DTNB: variants seen among roughly 807,000 people sequenced by gnomAD.
The protein encoded by DTNB is DTN-B.
DTNB carries 63 observed loss-of-function variants against 90.7 expected under a neutral mutation model. That is an observed-to-expected ratio of 0.69 (90% CI 0.57 to 0.86). The LOEUF (loss-of-function observed/expected upper bound fraction) is 0.86, where lower values mean the gene tolerates loss of function less well. DTNB is among the 40% of genes least tolerant of loss of function. The pLI, the probability that DTNB is intolerant of heterozygous loss-of-function variation, is 0.00. For synonymous variants in DTNB, 277 were observed against 286.7 expected, an observed-to-expected ratio of 0.97 and a Z score of 0.34; for missense variants, 744 against 807.1, an observed-to-expected ratio of 0.92 and a Z score of 0.95.
intron 2 of DTNB, among the ~76,000 whole-genome samples, chr2:25,645,523 T>C (rs762762718): frequency 6.6e-6 from 1 of 152,118 alleles, no homozygotes; most frequent in African/African-American, 2.4e-5. Flanking sequence ...CACTGTAACG[T>C]TGACTTCCCA....
At chr2:25,590,811 C>A (rs1024927528) in intron 6 of DTNB, among the ~76,000 whole-genome samples, 62 of 152,256 alleles carry the variant, frequency 4.1e-4, no homozygotes, top group African/African-American at 1.5e-3. Flanking sequence ...GACCCCCAGG[C>A]TTCAGGCCCT....
At chr2:25,446,996 C>A (rs2058522535) in intron 12 of DTNB, among the ~76,000 whole-genome samples, 1 of 152,198 alleles carries the variant, frequency 6.6e-6, no homozygotes, top group South Asian at 2.1e-4. Context: ...TGTGTCTAAT[C>A]TGACATTTAA....
At chr2:25,571,249 A>C (rs1314518256) in intron 8 of DTNB, among the ~76,000 whole-genome samples, 3 of 152,216 alleles carry the variant, frequency 2.0e-5, no homozygotes, top group African/African-American at 7.2e-5. Context: ...TTATCATTAG[A>C]ATTTCTCCTA....
intron 3 of DTNB, among the ~76,000 whole-genome samples, chr2:25,633,585 C>T (rs1305628822): frequency 1.3e-5 from 2 of 152,006 alleles, no homozygotes; most frequent in African/African-American, 4.8e-5. Flanking sequence ...CCGGCCGCCA[C>T]CCCGTCTGGG....
chr2:25,473,123 G>T (rs1348689596), intron 10 of DTNB, among the ~76,000 whole-genome samples: 2 of 152,204 alleles, frequency 1.3e-5, no homozygotes, highest in Admixed American at 6.5e-5. Flanking sequence ...TGGGGGTAAA[G>T]TGGGGAGTAG....
intron 2 of DTNB, among the ~76,000 whole-genome samples, chr2:25,648,589 A>G (rs563281378): frequency 1.3e-5 from 2 of 152,140 alleles, no homozygotes; most frequent in Non-Finnish European, 2.9e-5. Flanking sequence ...TTAAAAAAAA[A>G]CTATTTAAAT....
rs560513804 is a variant in DTNB, at chr2:25,547,398, C to T, written c.877-15801G>A. On this transcript the variant is annotated intron_variant, in intron 8 of 20. Transcript: ENST00000406818. Reference sequence around the variant, plus strand: ...GGAGTGCAATGGCACAATCTCGGCTCACTGCAACCTCCGCCTCCCGATTCA... The same window carrying T: ...GGAGTGCAATGGCACAATCTCGGCTTACTGCAACCTCCGCCTCCCGATTCA... 2.7e-5 allele frequency among the ~76,000 whole-genome samples: 4 copies of T among 148,654 alleles called. No individual in the cohort carries two copies. In the South Asian group the frequency reaches 8.5e-4, roughly 32 times the overall value.
chr2:25,549,328 T>C (rs1318402037), intron 8 of DTNB, among the ~76,000 whole-genome samples: 1 of 152,070 alleles, frequency 6.6e-6, no homozygotes, highest in Non-Finnish European at 1.5e-5. Context: ...CCTACTTTCC[T>C]GTCTTCTCTT....
Position 25,379,505 on chromosome 2 carries a change from A to G in DTNB, c.1880-182T>C, listed in dbSNP as rs993914833. The stretch of plus-strand genomic sequence containing the variant: ...GCAGGGTAGAGTCATACTTTCTACT[A>G]CTGTAGCCAACCCGAGGCAGCCATG... On this transcript the variant is annotated intron_variant, in intron 19 of 20. Coordinates refer to ENST00000406818, the MANE Select transcript of DTNB (RefSeq NM_021907.5). The G allele has an allele frequency of 1.9e-5, 12 of 628,432 alleles. No homozygotes were observed. The Admixed American group carries it at 4.8e-4, about 25-fold the overall frequency. The allele number at this position is 628,432 out of a possible 1,614,324, so 38.9% of individuals were successfully genotyped here.
intron 16 of DTNB, among the ~76,000 whole-genome samples, chr2:25,414,842 T>C (rs1323953896): frequency 1.3e-5 from 2 of 152,068 alleles, no homozygotes; most frequent in Admixed American, 6.5e-5. Context: ...CGTCTGATGA[T>C]GATTATAGGC....
intron 5 of DTNB, among the ~76,000 whole-genome samples, chr2:25,606,743 A>G (rs968349161): frequency 1.3e-5 from 2 of 152,166 alleles, no homozygotes; most frequent in South Asian, 2.1e-4. Flanking sequence ...ATTAGCAAAG[A>G]TAACAGGAAT....
intron 4 of DTNB, among the ~76,000 whole-genome samples, chr2:25,622,233 C>A (rs1413649804): frequency 6.6e-6 from 1 of 152,160 alleles, no homozygotes; most frequent in Non-Finnish European, 1.5e-5. Context: ...TATTCAATCC[C>A]AGCACTTTGG....
intron 8 of DTNB, among the ~76,000 whole-genome samples, chr2:25,566,932 T>C (rs984631947): frequency 3.3e-5 from 5 of 152,124 alleles, no homozygotes; most frequent in African/African-American, 1.2e-4. Flanking sequence ...GTACAGACCA[T>C]GATAAAATGC....
chr2:25,433,451 C>T (rs1271639685), intron 13 of DTNB, among the ~76,000 whole-genome samples: 5 of 152,068 alleles, frequency 3.3e-5, no homozygotes, highest in Non-Finnish European at 7.4e-5. Context: ...GGTCGGGTCT[C>T]CACATCCTGG....
At chr2:25,589,471 C>G (rs1362032838) in intron 6 of DTNB, among the ~76,000 whole-genome samples, 1 of 141,914 alleles carries the variant, frequency 7.0e-6, no homozygotes, top group Non-Finnish European at 1.5e-5. Context: ...ACCTCTGCCT[C>G]CTGGGTTCAA....
intron 8 of DTNB, among the ~76,000 whole-genome samples, chr2:25,566,862 T>C (rs2059121209): frequency 2.6e-5 from 4 of 152,128 alleles, no homozygotes; most frequent in Admixed American, 1.3e-4. Flanking sequence ...GGACCAGCGG[T>C]GCTAAAGGGA....
intron 8 of DTNB, among the ~76,000 whole-genome samples, chr2:25,540,163 T>C (rs527648485): frequency 6.6e-6 from 1 of 152,312 alleles, no homozygotes; most frequent in Admixed American, 6.5e-5. Context: ...TTAGAATCAG[T>C]TTGTCATTTA....
At chr2:25,466,116 T>C (rs2061729210) in intron 10 of DTNB, among the ~76,000 whole-genome samples, 1 of 152,200 alleles carries the variant, frequency 6.6e-6, no homozygotes. Context: ...GTAGACCACC[T>C]GAGGTCAGGA....
chr2:25,507,400 T>A (rs939709581), intron 9 of DTNB, among the ~76,000 whole-genome samples: 1 of 152,142 alleles, frequency 6.6e-6, no homozygotes, highest in Non-Finnish European at 1.5e-5. Flanking sequence ...CATTTGGATG[T>A]CAAAAAGGAC....
Sources: allele counts gnomAD v4.1 joint callset (sites outside exome capture counted in the v4.1 genomes callset), GRCh38; gene constraint gnomAD v4.1.1; transcripts MANE v1.5; gene names NCBI Gene and HGNC (gene_info 2026-07-23, HGNC 2026-07-21).